RHPN2: variants seen among roughly 807,000 people sequenced by gnomAD.
RHPN2 encodes the protein rhophilin-2.
RHPN2 carries 40 observed loss-of-function variants against 79.0 expected under a neutral mutation model. The observed-to-expected ratio is 0.51, with a 90% confidence interval of 0.39 to 0.66. RHPN2 has a LOEUF of 0.66. Ranked by LOEUF, RHPN2 falls within the 30% of genes least tolerant of loss-of-function variation. The pLI, the probability that RHPN2 is intolerant of heterozygous loss-of-function variation, is 0.00. For missense variants in RHPN2, 686 were observed against 883.5 expected, an observed-to-expected ratio of 0.78 and a Z score of 2.83; for synonymous variants, 285 against 363.5, an observed-to-expected ratio of 0.78 and a Z score of 2.46.
chr19:32,988,968 A>AC (rs1271483934), intron 14 of RHPN2, among the ~76,000 whole-genome samples: 1 of 152,196 alleles, frequency 6.6e-6, no homozygotes, highest in Non-Finnish European at 1.5e-5. Context: ...AGTGTCTGGC[A>AC]CCCAACTGAT....
At chr19:33,005,231 T>C (rs1375310881) in intron 7 of RHPN2, among the ~76,000 whole-genome samples, 1 of 151,566 alleles carries the variant, frequency 6.6e-6, no homozygotes, top group Admixed American at 6.6e-5. Context: ...CTGGCCAACA[T>C]GGCAAAAGCC....
intron 1 of RHPN2, among the ~76,000 whole-genome samples, chr19:33,061,457 A>G (rs1320398940): frequency 6.6e-6 from 1 of 150,852 alleles, no homozygotes; most frequent in African/African-American, 2.4e-5. Flanking sequence ...CACTAGACTC[A>G]GCCTCCCAAA....
Position 32,990,543 on chromosome 19 carries a change from C to T in RHPN2, c.1771G>A (p.Val591Met), listed in dbSNP as rs760214047. 5.0e-6 allele frequency: 8 copies of T among 1,613,838 alleles called. No individual in the cohort carries two copies. The highest frequency in any genetic ancestry group is 1.7e-4 in the Middle Eastern group (1 of 6,056). Reference protein sequence around the residue: ...FGEDEIEMKVVSLLDSTSSMH... With the variant: ...FGEDEIEMKVMSLLDSTSSMH... ...GATGATGTGGAGTCCAGGAGGCTCA[C>T]GACTTTCATCTCGATCTCGTCCTCG... Residue 591 changes from valine to methionine, a missense_variant, in exon 14 of 15, where the codon GTG becomes ATG. By Grantham distance (21) the Val-to-Met change is conservative. Coordinates refer to ENST00000254260, the MANE Select transcript of RHPN2 (RefSeq NM_033103.5).
chr19:33,028,477 G>C (rs1971985101), intron 2 of RHPN2, among the ~76,000 whole-genome samples: 1 of 152,092 alleles, frequency 6.6e-6, no homozygotes, highest in African/African-American at 2.4e-5. Flanking sequence ...CTATATACTA[G>C]CAATGAACAA....
chr19:33,059,910 G>A (rs1305583854), intron 1 of RHPN2, among the ~76,000 whole-genome samples: 1 of 152,116 alleles, frequency 6.6e-6, no homozygotes, highest in African/African-American at 2.4e-5. Context: ...CTTAAGCGGA[G>A]GATCCTTTCT....
At chr19:33,058,482 G>A (rs566742716) in intron 1 of RHPN2, among the ~76,000 whole-genome samples, 1 of 152,176 alleles carries the variant, frequency 6.6e-6, no homozygotes, top group South Asian at 2.1e-4. Flanking sequence ...CCTTAAGTGT[G>A]CATAAAATCC....
intron 1 of RHPN2, among the ~76,000 whole-genome samples, chr19:33,055,606 A>T (rs7508599): frequency 0.53 from 81,111 of 151,730 alleles, 25,662 homozygotes; most frequent in African/African-American, 0.86. Context: ...CATCCACACA[A>T]GCGTTCATAA....
At chr19:33,039,927 C>G (rs1483932764) in intron 2 of RHPN2, among the ~76,000 whole-genome samples, 1 of 151,014 alleles carries the variant, frequency 6.6e-6, no homozygotes, top group Non-Finnish European at 1.5e-5. Context: ...TTAGAAGATA[C>G]AGCAACTCTG....
chr19:32,981,417 A>AGGGGGG (rs71176176), intron 14 of RHPN2, among the ~76,000 whole-genome samples: 5 of 42,384 alleles, frequency 1.2e-4, no homozygotes, highest in African/African-American at 2.0e-4. Flanking sequence ...ATAAAAAAAA[A>AGGGGGG]GGGGGGGGGC....
intron 2 of RHPN2, among the ~76,000 whole-genome samples, chr19:33,036,186 A>ATTTT (rs530097897): frequency 7.2e-6 from 1 of 139,686 alleles, no homozygotes; most frequent in East Asian, 2.0e-4. Flanking sequence ...AAGAAAATTA[A>ATTTT]TTTTTTTTTT....
At chr19:33,047,914 CAA>C (rs1972154916) in intron 1 of RHPN2, among the ~76,000 whole-genome samples, 1 of 151,976 alleles carries the variant, frequency 6.6e-6, no homozygotes, top group Admixed American at 6.6e-5. Context: ...TCTGTCTCTA[CAA>C]ATAATAATAA....
At chr19:32,981,192 T>G (rs557205152) in intron 14 of RHPN2, among the ~76,000 whole-genome samples, 63 of 152,092 alleles carry the variant, frequency 4.1e-4, no homozygotes, top group African/African-American at 1.5e-3. Context: ...ACAACTCATA[T>G]TTTAAGGTTC....
At chr19:32,994,674 T>A (rs767394873) in intron 11 of RHPN2, among the ~76,000 whole-genome samples, 3 of 151,882 alleles carry the variant, frequency 2.0e-5, no homozygotes, top group South Asian at 4.2e-4. Context: ...AAAACCCTAA[T>A]GAGGAGGCCA....
intron 2 of RHPN2, among the ~76,000 whole-genome samples, chr19:33,040,400 C>A (rs1972091485): frequency 6.6e-6 from 1 of 151,830 alleles, no homozygotes; most frequent in Non-Finnish European, 1.5e-5. Context: ...CCACACCCGG[C>A]TAATTTTTTT....
At position 33,031,877 on chromosome 19, in the gene RHPN2, G is replaced by A. The variant is rs1360565307; in HGVS notation, c.186-5245C>T. Among the ~76,000 whole-genome samples the A allele has an allele frequency of 3.3e-5, 5 of 151,392 alleles. No homozygotes were observed. The East Asian group carries it at 5.9e-4, about 18-fold the overall frequency. On this transcript the variant is annotated intron_variant, in intron 2 of 14. Coordinates refer to ENST00000254260, the MANE Select transcript of RHPN2 (RefSeq NM_033103.5). ...TGGGACTACAGGCGCCCGCCACCAC[G>A]CCCGGCTAATTTATTGGATTTTTAG... is the stretch of plus-strand genomic sequence containing the variant.
intron 6 of RHPN2, 143 bp from the exon 7 acceptor site, chr19:33,008,323 C>T: frequency 1.3e-6 from 1 of 782,652 alleles, no homozygotes; most frequent in Non-Finnish European, 2.0e-6. Context: ...GTGATCATAG[C>T]TTACTGCAGC....
chr19:33,057,189 A>G (rs532226583), intron 1 of RHPN2, among the ~76,000 whole-genome samples: 1 of 150,072 alleles, frequency 6.7e-6, no homozygotes, highest in African/African-American at 2.5e-5. Flanking sequence ...CAAAAAATTT[A>G]AAAATTAGCC....
chr19:33,061,657 T>C (rs1310997711), intron 1 of RHPN2, among the ~76,000 whole-genome samples: 1 of 152,026 alleles, frequency 6.6e-6, no homozygotes, highest in Non-Finnish European at 1.5e-5. Flanking sequence ...CTAATTTTTA[T>C]ATTTTTAGTA....
intron 2 of RHPN2, among the ~76,000 whole-genome samples, chr19:33,035,105 TAC>T (rs1972046231): frequency 6.6e-6 from 1 of 151,990 alleles, no homozygotes; most frequent in Admixed American, 6.6e-5. Context: ...TAGCTGGAGT[TAC>T]AGTGTGTGCC....
Sources: allele counts gnomAD v4.1 joint callset (sites outside exome capture counted in the v4.1 genomes callset), GRCh38; gene constraint gnomAD v4.1.1; transcripts MANE v1.5; gene names NCBI Gene and HGNC (gene_info 2026-07-23, HGNC 2026-07-21).